Variants in SNTG1 observed in about 807,000 individuals in gnomAD.
SNTG1 encodes the protein syntrophin gamma 1, also known as gamma-1-syntrophin.
SNTG1 carries 39 observed loss-of-function variants against 74.7 expected under a neutral mutation model. The ratio of observed to expected loss-of-function variants is 0.52; its 90% CI spans 0.40 to 0.68. SNTG1 has a LOEUF of 0.68. Ranked by LOEUF, SNTG1 falls within the 30% of genes least tolerant of loss-of-function variation. The pLI, the probability that SNTG1 is intolerant of heterozygous loss-of-function variation, is 0.00. For missense variants in SNTG1, 685 were observed against 609.5 expected (o/e 1.12, Z -1.30); for synonymous variants, 254 against 217.1 (o/e 1.17, Z -1.49).
At chr8:50,475,796 TA>T (rs1249865522) in intron 8 of SNTG1, among the ~76,000 whole-genome samples, 1 of 152,110 alleles carries the variant, frequency 6.6e-6, no homozygotes, top group African/African-American at 2.4e-5. Context: ...CAACATAATA[TA>T]AATGCATTAC....
rs774654852 is a variant in SNTG1 at position 50,079,739 on chromosome 8, T to C, written c.-102-92822T>C. 1.2e-4 allele frequency among the ~76,000 whole-genome samples: 18 copies of C among 152,178 alleles called. No homozygotes were observed. The South Asian group carries it at 1.2e-3, about 11-fold the overall frequency. ...TTAATCAATCTTGGGTTAATTTTTG[T>C]ATAAGTATAAGAAAGGGGTCCAGTT... On this transcript the variant is annotated intron_variant, in intron 1 of 18. Transcript: ENST00000642720.
At chr8:49,936,781 CT>C (rs1563368325) in intron 1 of SNTG1, among the ~76,000 whole-genome samples, 3 of 152,072 alleles carry the variant, frequency 2.0e-5, no homozygotes, top group Non-Finnish European at 4.4e-5. Flanking sequence ...CACAAGGGAA[CT>C]TTTTCAAGCA....
At chr8:50,167,308 AT>A (rs1441459623) in intron 1 of SNTG1, among the ~76,000 whole-genome samples, 1 of 148,056 alleles carries the variant, frequency 6.8e-6, no homozygotes, top group African/African-American at 2.5e-5. Flanking sequence ...AAGATTAAAA[AT>A]AAAAAAAATA....
chr8:50,568,717 G>C (rs968501866), intron 12 of SNTG1, among the ~76,000 whole-genome samples: 5 of 151,916 alleles, frequency 3.3e-5, no homozygotes, highest in Admixed American at 3.3e-4. Flanking sequence ...AATATTCTGG[G>C]TATTAACTCC....
intron 1 of SNTG1, among the ~76,000 whole-genome samples, chr8:50,169,826 A>G (rs1423576448): frequency 6.6e-6 from 1 of 152,132 alleles, no homozygotes; most frequent in Non-Finnish European, 1.5e-5. Context: ...TTGTAATCCC[A>G]GCTACTTGGG....
chr8:49,912,632 C>T (rs1230062021), intron 1 of SNTG1, among the ~76,000 whole-genome samples: 4 of 152,070 alleles, frequency 2.6e-5, no homozygotes, highest in Admixed American at 1.3e-4. Context: ...TTAACCATGC[C>T]CTCTAACATA....
At chr8:50,763,422 T>C (rs997195592) in intron 18 of SNTG1, among the ~76,000 whole-genome samples, 3 of 152,080 alleles carry the variant, frequency 2.0e-5, no homozygotes, top group Admixed American at 6.6e-5. Flanking sequence ...TTCATTTTTT[T>C]CATCCTCTGC....
chr8:50,590,106 CA>C (rs2094682238), intron 12 of SNTG1, among the ~76,000 whole-genome samples: 1 of 151,940 alleles, frequency 6.6e-6, no homozygotes, highest in Non-Finnish European at 1.5e-5. Flanking sequence ...CAAAAAAGGA[CA>C]AAATAAAATA....
chr8:50,033,485 G>T (rs1817907874), intron 1 of SNTG1, among the ~76,000 whole-genome samples: 1 of 152,196 alleles, frequency 6.6e-6, no homozygotes, highest in South Asian at 2.1e-4. Flanking sequence ...TAGTTTGCTA[G>T]GGCTGCCATA....
At chr8:50,752,896 T>C (rs1041580342) in intron 18 of SNTG1, among the ~76,000 whole-genome samples, 1 of 151,942 alleles carries the variant, frequency 6.6e-6, no homozygotes, top group African/African-American at 2.4e-5. Flanking sequence ...CTCTCAACTG[T>C]TTTCCTTAGC....
At chr8:50,662,245 A>G (rs1000103399) in intron 15 of SNTG1, among the ~76,000 whole-genome samples, 5 of 152,186 alleles carry the variant, frequency 3.3e-5, no homozygotes, top group Non-Finnish European at 7.4e-5. Context: ...GAGGCTAATT[A>G]AAAGTCAGAT....
Position 50,421,541 on chromosome 8 carries a change from C to G in SNTG1, c.163-17002C>G, listed in dbSNP as rs183354658. On this transcript the variant is annotated intron_variant, in intron 4 of 18. Transcript: ENST00000642720. ...TATTCCATCAGCAAGACCTTTATGA[C>G]CTGTATCTTGTGCCAACCTCTTATC... Among the ~76,000 whole-genome samples, 29 of 152,252 alleles carry G rather than the reference C, an allele frequency of 1.9e-4. 1 individual carries two copies. The highest frequency in any genetic ancestry group is 1.8e-3 in the Admixed American group (27 of 15,288).
At chr8:50,314,622 T>G (rs2090244840) in intron 2 of SNTG1, among the ~76,000 whole-genome samples, 1 of 149,936 alleles carries the variant, frequency 6.7e-6, no homozygotes, top group East Asian at 2.0e-4. Flanking sequence ...AGTTTCACAC[T>G]TTTTGCTATT....
chr8:50,379,060 G>C lies in SNTG1; in HGVS notation c.-27-15152G>C, dbSNP rs149918980. Reference sequence around the variant, plus strand: ...AGCTGTTCATGGAGCCCAGGCTGTAGGTACCAAGGGGCACCTGCAGGCTAG... The same window carrying C: ...AGCTGTTCATGGAGCCCAGGCTGTACGTACCAAGGGGCACCTGCAGGCTAG... On this transcript the variant is annotated intron_variant, in intron 2 of 18. Transcript: ENST00000642720. Among the ~76,000 whole-genome samples the C allele has an allele frequency of 9.3e-4, 141 of 152,228 alleles. 1 individual carries two copies. Among genetic ancestry groups the C allele is most frequent in the Middle Eastern group, 3.4e-3 (1 of 294 alleles).
chr8:50,508,062 T>C (rs1191027998), intron 9 of SNTG1, among the ~76,000 whole-genome samples: 1 of 151,986 alleles, frequency 6.6e-6, no homozygotes, highest in Non-Finnish European at 1.5e-5. Flanking sequence ...ATGCTATCCC[T>C]CCCCACTCCC....
At chr8:50,599,491 G>C (rs920231804) in intron 13 of SNTG1, among the ~76,000 whole-genome samples, 4 of 152,046 alleles carry the variant, frequency 2.6e-5, no homozygotes, top group African/African-American at 9.7e-5. Context: ...TCAAATCCAT[G>C]AATATAAAAT....
Position 50,265,975 on chromosome 8 carries a change from A to G in SNTG1, c.-28+93340A>G, listed in dbSNP as rs149163127. Among the ~76,000 whole-genome samples, 683 of 152,218 alleles carry G rather than the reference A, an allele frequency of 4.5e-3. 7 individuals carry two copies. The highest frequency in any genetic ancestry group is 0.016 in the African/African-American group (653 of 41,576). On this transcript the variant is annotated intron_variant, in intron 2 of 18. Transcript: ENST00000642720. Reference sequence around the variant, plus strand: ...GAATAGAAAGACATACCATATTCATAGATAGTAAGAACACTGTTAAAAAAG... The same window carrying G: ...GAATAGAAAGACATACCATATTCATGGATAGTAAGAACACTGTTAAAAAAG...
intron 12 of SNTG1, among the ~76,000 whole-genome samples, chr8:50,569,875 G>C (rs2094537193): frequency 6.6e-6 from 1 of 152,144 alleles, no homozygotes; most frequent in Non-Finnish European, 1.5e-5. Flanking sequence ...AACCAAAAAT[G>C]GGTTAGTGTG....
chr8:50,055,739 T>A (rs554330340), intron 1 of SNTG1, among the ~76,000 whole-genome samples: 1 of 152,242 alleles, frequency 6.6e-6, no homozygotes, highest in South Asian at 2.1e-4. Context: ...AAAAGGTACC[T>A]CGAAGTTGGT....
Sources: gnomAD v4.1 joint callset for allele counts (sites outside exome capture counted in the v4.1 genomes callset) on GRCh38, gnomAD v4.1.1 for gene constraint, MANE v1.5 for transcripts, NCBI Gene and HGNC (gene_info 2026-07-23, HGNC 2026-07-21) for gene names.